Variants in TPST1 observed in about 807,000 individuals in gnomAD.
The protein encoded by TPST1 is protein-tyrosine sulfotransferase 1.
A neutral mutation model predicts 34.8 loss-of-function variants in TPST1; 20 were observed. The ratio of observed to expected loss-of-function variants is 0.57; its 90% CI spans 0.40 to 0.84. The LOEUF (loss-of-function observed/expected upper bound fraction) is 0.84. Among genes scored for constraint, TPST1 ranks in the 40% least tolerant of loss-of-function variants. TPST1 has a pLI of 0.00. For synonymous variants in TPST1, 152 were observed against 159.4 expected (o/e 0.95, Z 0.35); for missense variants, 353 against 455.5 (o/e 0.78, Z 2.05).
intron 3 of TPST1, among the ~76,000 whole-genome samples, chr7:66,296,936 A>G (rs907951649): frequency 6.6e-6 from 1 of 152,090 alleles, no homozygotes; most frequent in Non-Finnish European, 1.5e-5. Flanking sequence ...ATAGATTCTT[A>G]ACCTTTTAGA....
chr7:66,341,574 C>T (rs993098333), intron 3 of TPST1, among the ~76,000 whole-genome samples: 1 of 152,184 alleles, frequency 6.6e-6, no homozygotes, highest in Non-Finnish European at 1.5e-5. Flanking sequence ...CCACCGCACT[C>T]AGCCTAGACC....
chr7:66,268,260 C>T (rs753393418), intron 2 of TPST1, among the ~76,000 whole-genome samples: 1 of 152,158 alleles, frequency 6.6e-6, no homozygotes, highest in East Asian at 1.9e-4. Context: ...GCCAAGGTGG[C>T]TACTTTTTAA....
At chr7:66,235,665 T>G (rs1789897547) in intron 1 of TPST1, among the ~76,000 whole-genome samples, 1 of 152,180 alleles carries the variant, frequency 6.6e-6, no homozygotes, top group African/African-American at 2.4e-5. Flanking sequence ...AAAGTTTATT[T>G]TGCCAAGGTT....
chr7:66,228,825 T>G (rs184239064), intron 1 of TPST1, among the ~76,000 whole-genome samples: 1 of 152,294 alleles, frequency 6.6e-6, no homozygotes, highest in African/African-American at 2.4e-5. Context: ...GATCAGAAAC[T>G]CCTGTTCTTG....
intron 3 of TPST1, among the ~76,000 whole-genome samples, chr7:66,330,455 T>G (rs1285031864): frequency 2.0e-5 from 3 of 152,230 alleles, no homozygotes; most frequent in Admixed American, 6.5e-5. Context: ...TTCTCTGTCC[T>G]CTTACATCTT....
At chr7:66,316,329 A>C (rs1202830315) in intron 3 of TPST1, among the ~76,000 whole-genome samples, 1 of 152,220 alleles carries the variant, frequency 6.6e-6, no homozygotes, top group East Asian at 1.9e-4. Context: ...AATGTTGTTG[A>C]AGCTTAATGA....
At chr7:66,328,620 C>T (rs963361031) in intron 3 of TPST1, among the ~76,000 whole-genome samples, 1 of 151,762 alleles carries the variant, frequency 6.6e-6, no homozygotes, top group Non-Finnish European at 1.5e-5. Context: ...TCTTGGCTCA[C>T]TGCAACCTCT....
upstream of TPST1, among the ~76,000 whole-genome samples, chr7:66,200,416 T>A (rs1219838905): frequency 6.8e-6 from 1 of 148,076 alleles, no homozygotes; most frequent in African/African-American, 2.5e-5. Context: ...ACAGGTGAAG[T>A]TATCTTTTTT....
At chr7:66,244,018 G>C (rs1258393531) in intron 2 of TPST1, among the ~76,000 whole-genome samples, 1 of 146,940 alleles carries the variant, frequency 6.8e-6, no homozygotes, top group Non-Finnish European at 1.5e-5. Context: ...GCATGATCTC[G>C]GCTCACTGCG....
chr7:66,280,035 C>T (rs763832440), intron 2 of TPST1, among the ~76,000 whole-genome samples: 1 of 152,230 alleles, frequency 6.6e-6, no homozygotes, highest in Non-Finnish European at 1.5e-5. Flanking sequence ...GCCTTCACAT[C>T]GTGACCTGCC....
chr7:66,356,998 C>T, intron 5 of TPST1, 127 bp downstream of exon 5: 1 of 818,528 alleles, frequency 1.2e-6, no homozygotes, highest in Non-Finnish European at 2.0e-6. Context: ...TGCCTCTTCA[C>T]TTTCTGTGTG....
At chr7:66,358,065 CAA>C (rs1310905303) in intron 5 of TPST1, among the ~76,000 whole-genome samples, 7 of 151,090 alleles carry the variant, frequency 4.6e-5, no homozygotes, top group South Asian at 2.1e-4. Flanking sequence ...GCCTGGGTGA[CAA>C]GAGAGAGACT....
At chr7:66,352,363 C>G (rs1792497389) in intron 3 of TPST1, 142 bp from the exon 4 acceptor site, 1 of 1,481,762 alleles carries the variant, frequency 6.7e-7, no homozygotes, top group African/African-American at 1.4e-5. Flanking sequence ...ACTGGCTGCT[C>G]TTGAACTGAC....
At chr7:66,344,846 C>G (rs1681311520) in intron 3 of TPST1, among the ~76,000 whole-genome samples, 1 of 151,532 alleles carries the variant, frequency 6.6e-6, no homozygotes, top group African/African-American at 2.4e-5. Context: ...GCCTCAGCCT[C>G]CCTAGTAGCT....
chr7:66,258,422 C>G (rs1212394666), intron 2 of TPST1, among the ~76,000 whole-genome samples: 1 of 152,196 alleles, frequency 6.6e-6, no homozygotes, highest in Non-Finnish European at 1.5e-5. Context: ...TTCCTATCCA[C>G]AGACCATTTA....
intron 3 of TPST1, among the ~76,000 whole-genome samples, chr7:66,294,015 T>C (rs62468674): frequency 0.037 from 5,593 of 152,306 alleles, 163 homozygotes; most frequent in East Asian, 0.088. Context: ...TTTTCTTTAT[T>C]GCAGTAAGAT....
At position 66,325,239 on chromosome 7, in the gene TPST1, A is replaced by G. The variant is rs549278374; in HGVS notation, c.1045-27266A>G. Among the ~76,000 whole-genome samples, 3 of 152,290 alleles carry G rather than the reference A, an allele frequency of 2.0e-5. No homozygotes were observed. The East Asian group carries it at 5.8e-4, about 29-fold the overall frequency. On this transcript the variant is annotated intron_variant, in intron 3 of 5. Coordinates refer to ENST00000304842, the MANE Select transcript of TPST1 (RefSeq NM_003596.4). ...TGAGAACTCACTCACTATCACGAGG[A>G]CAGCATGGGGGAACCTCTGCCGTGA...
intron 2 of TPST1, among the ~76,000 whole-genome samples, chr7:66,272,397 A>G (rs1422144299): frequency 6.6e-6 from 1 of 152,172 alleles, no homozygotes; most frequent in Non-Finnish European, 1.5e-5. Flanking sequence ...AGATGCAGAA[A>G]AGGCATTTGA....
rs1340917200 is a variant in TPST1 at position 66,349,821 on chromosome 7, AC to A, written c.1045-2683del. On this transcript the variant is annotated intron_variant, in intron 3 of 5. Coordinates refer to ENST00000304842, the MANE Select transcript of TPST1 (RefSeq NM_003596.4). ...TCTGGTAAAAACAAAAACAACAACA[AC>A]AAAAAACCCAAAACAAATAAAACAT... 5.9e-5 allele frequency among the ~76,000 whole-genome samples: 9 copies of A among 152,086 alleles called. No individual in the cohort carries two copies. In the South Asian group the frequency reaches 8.3e-4, roughly 14 times the overall value.
Sources: gnomAD v4.1 joint callset for allele counts (sites outside exome capture counted in the v4.1 genomes callset) on GRCh38, gnomAD v4.1.1 for gene constraint, MANE v1.5 for transcripts, NCBI Gene and HGNC (gene_info 2026-07-23, HGNC 2026-07-21) for gene names.